The following GPD2 variants were observed in gnomAD, a reference collection of about 807,000 sequenced individuals.
GPD2 encodes glycerol-3-phosphate dehydrogenase, mitochondrial.
Under a neutral mutation model 82.4 loss-of-function variants are expected in GPD2, and 54 were observed. The observed-to-expected ratio is 0.66, with a 90% CI of 0.53 to 0.82. GPD2 has a LOEUF of 0.82. Ranked by LOEUF, GPD2 falls within the 40% of genes least tolerant of loss-of-function variation. GPD2 has a pLI of 0.00. For missense variants in GPD2, 748 were observed against 896.2 expected (o/e 0.83, Z 2.11); for synonymous variants, 288 against 306.1 (o/e 0.94, Z 0.62).
intron 9 of GPD2, among the ~76,000 whole-genome samples, chr2:156,558,770 T>TTA (rs1687057928): frequency 7.7e-6 from 1 of 129,464 alleles, no homozygotes; most frequent in Non-Finnish European, 1.7e-5. Context: ...GCTAACTTTT[T>TTA]TTTTTTTTTT....
chr2:156,526,158 C>G (rs1388601448), intron 6 of GPD2, among the ~76,000 whole-genome samples: 3 of 152,116 alleles, frequency 2.0e-5, no homozygotes, highest in Non-Finnish European at 4.4e-5. Flanking sequence ...ATTTCATAGC[C>G]ATGTTAACTG....
chr2:156,462,775 C>T (rs1276578841), intron 1 of GPD2, among the ~76,000 whole-genome samples: 2 of 152,184 alleles, frequency 1.3e-5, no homozygotes, highest in Non-Finnish European at 2.9e-5. Flanking sequence ...TGTTAAAATT[C>T]TAGTAAGTAG....
intron 2 of GPD2, among the ~76,000 whole-genome samples, chr2:156,481,539 T>A (rs914886098): frequency 7.2e-5 from 11 of 152,200 alleles, no homozygotes; most frequent in African/African-American, 2.7e-4. Context: ...CTCCTAGATA[T>A]GAGTCAGAAC....
At chr2:156,419,049 C>CTTTTT in the GPD2 span, among the ~76,000 whole-genome samples, 18 of 77,198 alleles carry the variant, frequency 2.3e-4, no homozygotes, top group African/African-American at 4.2e-4. Flanking sequence ...TTCTTTCCTT[C>CTTTTT]TTTTTTTTTT....
Position 156,583,008 on chromosome 2 carries a change from G to C in GPD2, c.*90G>C. 1 of 1,370,564 alleles carries C rather than the reference G, an allele frequency of 7.3e-7. No homozygotes were observed. The highest frequency in any genetic ancestry group is 1.0e-6 in the Non-Finnish European group (1 of 964,786). The allele number at this position is 1,370,564 out of a possible 1,614,324, so 84.9% of individuals were successfully genotyped here. ...ATGACTGAAACCACTCTGAAATAAT[G>C]AATGTGGATAGCTGCCTTTTTTAAC... On this transcript the variant is annotated 3_prime_UTR_variant, in exon 17 of 17. Transcript: ENST00000438166.
the GPD2 span, among the ~76,000 whole-genome samples, chr2:156,406,851 A>G: frequency 6.6e-6 from 1 of 152,104 alleles, no homozygotes; most frequent in Non-Finnish European, 1.5e-5. Context: ...TTTAAAATAT[A>G]TGTTTTTTTC....
intron 3 of GPD2, among the ~76,000 whole-genome samples, chr2:156,505,787 A>G (rs955428753): frequency 2.0e-5 from 3 of 152,126 alleles, no homozygotes; most frequent in Non-Finnish European, 4.4e-5. Context: ...ATTGAATATC[A>G]CTTAATACTA....
intron 2 of GPD2, among the ~76,000 whole-genome samples, chr2:156,494,991 T>C (rs1417768954): frequency 2.0e-5 from 3 of 152,216 alleles, no homozygotes; most frequent in Admixed American, 1.3e-4. Context: ...GGAAGGTCAT[T>C]ATTTTTTAGG....
At chr2:156,494,270 C>G (rs1172173612) in intron 2 of GPD2, among the ~76,000 whole-genome samples, 1 of 152,150 alleles carries the variant, frequency 6.6e-6, no homozygotes, top group Non-Finnish European at 1.5e-5. Context: ...ATAACAGCAA[C>G]AACTCTGGTG....
chr2:156,456,571 G>A lies in GPD2; in HGVS notation c.-8-19527G>A, dbSNP rs371847602. ...AGATCACACCACTGCGCTCCAGCCT[G>A]GGCAACGGAGTGCGACTCTGTCTCA... is the stretch of plus-strand genomic sequence containing the variant. On this transcript the variant is annotated intron_variant, in intron 1 of 16. Transcript: ENST00000438166. Among the ~76,000 whole-genome samples the A allele has an allele frequency of 7.9e-5, 12 of 151,838 alleles. No individual in the cohort carries two copies. In the East Asian group the frequency reaches 1.4e-3, roughly 17 times the overall value.
upstream of GPD2, among the ~76,000 whole-genome samples, chr2:156,432,665 A>T (rs1340229021): frequency 1.3e-5 from 2 of 152,218 alleles, no homozygotes; most frequent in Non-Finnish European, 2.9e-5. Flanking sequence ...TAAATAACTT[A>T]TGCTCTAATT....
chr2:156,496,669 C>CTT (rs57372380), intron 3 of GPD2, among the ~76,000 whole-genome samples: 89,722 of 151,482 alleles, frequency 0.59, 26,802 homozygotes, highest in East Asian at 0.78. Flanking sequence ...AAAAAGAAAA[C>CTT]TATATTTTAT....
chr2:156,451,366 G>A (rs1388215269), intron 1 of GPD2, among the ~76,000 whole-genome samples: 1 of 148,810 alleles, frequency 6.7e-6, no homozygotes, highest in African/African-American at 2.5e-5. Flanking sequence ...AGTAGGGGCG[G>A]CTGGGCAGAG....
rs756172427 is a variant in GPD2 at position 156,582,834 on chromosome 2, G to A, written c.2100G>A (p.Arg700=). The A allele has an allele frequency of 2.5e-6, 4 of 1,612,754 alleles. No individual in the cohort carries two copies. Among genetic ancestry groups the A allele is most frequent in the African/African-American group, 2.7e-5 (2 of 74,852 alleles). Residue 700 remains arginine (R), a synonymous_variant, in exon 17 of 17, where the codon CGG becomes CGA. Coordinates refer to ENST00000438166, the MANE Select transcript of GPD2 (RefSeq NM_000408.5). ...AAAAAGGAAGGGTATCTGGAAGCCG[G>A]CTTGCTATACTAATGAAAACTGCAG... ...AIQKGRVSGS[R]LAILMKTAEE...
intron 1 of GPD2, among the ~76,000 whole-genome samples, chr2:156,447,294 C>T (rs1467186): frequency 1.3e-5 from 2 of 152,086 alleles, no homozygotes; most frequent in Non-Finnish European, 2.9e-5. Context: ...TCCATTCCCT[C>T]CACAACTGTT....
At chr2:156,507,227 G>A (rs951677159) in intron 3 of GPD2, among the ~76,000 whole-genome samples, 8 of 151,908 alleles carry the variant, frequency 5.3e-5, no homozygotes, top group African/African-American at 1.9e-4. Context: ...GACCAGGCTG[G>A]TCTTGAACTC....
the GPD2 span, among the ~76,000 whole-genome samples, chr2:156,405,634 T>G: frequency 3.2e-3 from 491 of 152,308 alleles, 3 homozygotes; most frequent in Middle Eastern, 0.01. Context: ...ACATCGGGAA[T>G]GCTGTAGTAG....
At chr2:156,498,931 T>C (rs192901166) in intron 3 of GPD2, among the ~76,000 whole-genome samples, 1 of 152,282 alleles carries the variant, frequency 6.6e-6, no homozygotes, top group East Asian at 1.9e-4. Context: ...AGGTTGTCAT[T>C]ACTTTTAAAT....
At chr2:156,531,040 A>G (rs1001811751) in intron 6 of GPD2, among the ~76,000 whole-genome samples, 19 of 152,236 alleles carry the variant, frequency 1.2e-4, no homozygotes, top group Non-Finnish European at 2.1e-4. Context: ...TAACACAAAC[A>G]TAATGAAATA....
Sources: gnomAD v4.1 joint callset for allele counts (sites outside exome capture counted in the v4.1 genomes callset) on GRCh38, gnomAD v4.1.1 for gene constraint, MANE v1.5 for transcripts, NCBI Gene and HGNC (gene_info 2026-07-23, HGNC 2026-07-21) for gene names.